The following CCSER1 variants were observed in gnomAD, a reference collection of about 807,000 sequenced individuals.
CCSER1 encodes the protein coiled-coil serine rich protein 1, also known as serine-rich coiled-coil domain-containing protein 1.
A neutral mutation model predicts 82.0 loss-of-function variants in CCSER1; 41 were observed. The ratio of observed to expected loss-of-function variants is 0.50; its 90% CI spans 0.39 to 0.65. The LOEUF (loss-of-function observed/expected upper bound fraction) is 0.65. Among genes scored for constraint, CCSER1 ranks in the 30% least tolerant of loss-of-function variants. The probability of loss-of-function intolerance (pLI) is 0.00; values close to 1 mark genes in which losing one functional copy is unlikely to be tolerated. For synonymous variants in CCSER1, 414 were observed against 383.9 expected (o/e 1.08, Z -0.92); for missense variants, 1,119 against 1,064.2 (o/e 1.05, Z -0.72).
At chr4:91,038,102 A>T (rs1741610717) in intron 9 of CCSER1, among the ~76,000 whole-genome samples, 1 of 152,170 alleles carries the variant, frequency 6.6e-6, no homozygotes, top group Non-Finnish European at 1.5e-5. Context: ...TGTCCACAAG[A>T]GTTTCTTTAC....
At chr4:90,434,966 G>C (rs933836200) in intron 4 of CCSER1, among the ~76,000 whole-genome samples, 1 of 152,108 alleles carries the variant, frequency 6.6e-6, no homozygotes, top group Non-Finnish European at 1.5e-5. Flanking sequence ...AATGTAAATG[G>C]TACCTAGGGA....
intron 8 of CCSER1, among the ~76,000 whole-genome samples, chr4:90,832,540 G>A (rs892504169): frequency 2.0e-5 from 3 of 151,884 alleles, no homozygotes; most frequent in African/African-American, 7.3e-5. Flanking sequence ...GGTTACCAAT[G>A]TGCACCATCT....
chr4:91,532,618 G>A (rs1381390177), intron 10 of CCSER1, among the ~76,000 whole-genome samples: 4 of 152,116 alleles, frequency 2.6e-5, no homozygotes, highest in Non-Finnish European at 2.9e-5. Flanking sequence ...CCTACTGGGC[G>A]TGGTCGCTCA....
intron 3 of CCSER1, among the ~76,000 whole-genome samples, chr4:90,345,853 A>G (rs983274891): frequency 6.6e-6 from 1 of 152,100 alleles, no homozygotes; most frequent in Admixed American, 6.6e-5. Context: ...TCACTGTTTA[A>G]ATCATTTCAG....
intron 10 of CCSER1, among the ~76,000 whole-genome samples, chr4:91,426,914 A>C (rs2149389046): frequency 6.6e-6 from 1 of 152,246 alleles, no homozygotes; most frequent in South Asian, 2.1e-4. Flanking sequence ...GATTCAGATA[A>C]CTCATTTAAA....
chr4:90,945,666 C>A (rs577946574), intron 9 of CCSER1, among the ~76,000 whole-genome samples: 7 of 152,226 alleles, frequency 4.6e-5, no homozygotes, highest in Admixed American at 4.6e-4. Flanking sequence ...CTTTAGTGCC[C>A]GAACCGCTAA....
intron 7 of CCSER1, among the ~76,000 whole-genome samples, chr4:90,728,209 AGT>A (rs955583201): frequency 6.6e-6 from 1 of 152,166 alleles, no homozygotes; most frequent in African/African-American, 2.4e-5. Context: ...AGGAACTGAC[AGT>A]GTGGCATTTG....
In CCSER1 at chr4:90,821,122, GTTTTT is replaced by G. The variant is rs556013560; in HGVS notation, c.2094+5279_2094+5283del. ...TAATGATAGTAGCCCTCATTTCATTGTTTTTTGCATGTCATTACTTATTACAGTAT... is the reference window on the plus strand; with the variant it reads ...TAATGATAGTAGCCCTCATTTCATTGTGCATGTCATTACTTATTACAGTAT... On this transcript the variant is annotated intron_variant, in intron 8 of 10. Coordinates refer to ENST00000509176, the MANE Select transcript of CCSER1 (RefSeq NM_001145065.2). Among the ~76,000 whole-genome samples the G allele has an allele frequency of 2.0e-5, 3 of 152,000 alleles. No individual in the cohort carries two copies. The East Asian group carries it at 5.8e-4, about 29-fold the overall frequency.
intron 3 of CCSER1, among the ~76,000 whole-genome samples, chr4:90,391,504 AATAT>A (rs70963065): frequency 0.094 from 7,476 of 79,310 alleles, 994 homozygotes; most frequent in African/African-American, 0.3. Context: ...ACAGTGGGTA[AATAT>A]ATATATATAT....
intron 1 of CCSER1, among the ~76,000 whole-genome samples, chr4:90,229,922 T>G (rs1744103552): frequency 6.6e-6 from 1 of 152,188 alleles, no homozygotes; most frequent in Non-Finnish European, 1.5e-5. Flanking sequence ...AAGAGCTAAC[T>G]ATCCTAAATA....
intron 4 of CCSER1, among the ~76,000 whole-genome samples, chr4:90,411,233 C>T (rs1754725107): frequency 6.6e-6 from 1 of 152,074 alleles, no homozygotes; most frequent in Admixed American, 6.5e-5. Context: ...GAAACTATTC[C>T]AATCAATAGA....
chr4:90,422,263 G>A (rs1489240613), intron 4 of CCSER1, among the ~76,000 whole-genome samples: 3 of 152,118 alleles, frequency 2.0e-5, no homozygotes, highest in Non-Finnish European at 4.4e-5. Context: ...CTTGGCCAGT[G>A]GCCAAGAGTG....
At chr4:91,133,370 G>A (rs559413181) in intron 10 of CCSER1, among the ~76,000 whole-genome samples, 5 of 152,196 alleles carry the variant, frequency 3.3e-5, no homozygotes, top group African/African-American at 1.2e-4. Flanking sequence ...GGAGTCATTC[G>A]GGTGAGGAAG....
Position 90,830,652 on chromosome 4 carries a change from T to A in CCSER1, c.2094+14807T>A, listed in dbSNP as rs138885090. The stretch of plus-strand genomic sequence containing the variant: ...TTTTTCTGTTTTACTAAATTCACAA[T>A]CCCTACTCTATTTTGCAGTTTTTGG... On this transcript the variant is annotated intron_variant, in intron 8 of 10. Transcript: ENST00000509176. 2.8e-3 allele frequency among the ~76,000 whole-genome samples: 432 copies of A among 152,224 alleles called. 4 individuals are homozygous for A. Among genetic ancestry groups the A allele is most frequent in the African/African-American group, 1.0e-2 (414 of 41,538 alleles).
chr4:90,843,345 C>T (rs1276489770), intron 8 of CCSER1, among the ~76,000 whole-genome samples: 3 of 152,136 alleles, frequency 2.0e-5, no homozygotes, highest in Admixed American at 2.0e-4. Flanking sequence ...TGATCTGCTG[C>T]ATTAAAATGT....
chr4:90,587,848 A>G (rs1006700649), intron 5 of CCSER1, among the ~76,000 whole-genome samples: 3 of 152,210 alleles, frequency 2.0e-5, no homozygotes, highest in African/African-American at 7.2e-5. Flanking sequence ...GAAAAAATCA[A>G]TTTCAGGCAT....
intron 10 of CCSER1, among the ~76,000 whole-genome samples, chr4:91,111,762 C>T (rs186571110): frequency 1.0e-4 from 15 of 150,580 alleles, no homozygotes; most frequent in Non-Finnish European, 1.8e-4. Context: ...ACCAACTGGG[C>T]TCTTTTCCCG....
chr4:91,144,612 T>C (rs944112601), intron 10 of CCSER1, among the ~76,000 whole-genome samples: 3 of 151,852 alleles, frequency 2.0e-5, no homozygotes, highest in Non-Finnish European at 4.4e-5. Flanking sequence ...TAACCTGTCC[T>C]CTTAAAGCTT....
intron 10 of CCSER1, among the ~76,000 whole-genome samples, chr4:91,180,315 G>A (rs1302829827): frequency 6.6e-6 from 1 of 152,190 alleles, no homozygotes; most frequent in Non-Finnish European, 1.5e-5. Flanking sequence ...TGTGCTAGGA[G>A]AACCACTACT....
Sources: gnomAD v4.1 joint callset for allele counts (sites outside exome capture counted in the v4.1 genomes callset) on GRCh38, gnomAD v4.1.1 for gene constraint, MANE v1.5 for transcripts, NCBI Gene and HGNC (gene_info 2026-07-23, HGNC 2026-07-21) for gene names.